GPR137C: variants seen among roughly 807,000 people sequenced by gnomAD.
GPR137C encodes the protein G protein-coupled receptor 137C.
A neutral mutation model predicts 43.4 loss-of-function variants in GPR137C; 27 were observed. That is an observed-to-expected ratio of 0.62 (90% CI 0.46 to 0.86). The LOEUF (loss-of-function observed/expected upper bound fraction) is 0.86, where lower values mean the gene tolerates loss of function less well. Ranked by LOEUF, GPR137C falls within the 40% of genes least tolerant of loss-of-function variation. The pLI is 0.00. For missense variants in GPR137C, 522 were observed against 534.6 expected (o/e 0.98, Z 0.23); for synonymous variants, 285 against 226.9 (o/e 1.26, Z -2.30).
chr14:52,560,555 T>C (rs965553312), intron 1 of GPR137C, among the ~76,000 whole-genome samples: 1 of 152,206 alleles, frequency 6.6e-6, no homozygotes, highest in African/African-American at 2.4e-5. Flanking sequence ...GGGGAAAAGA[T>C]AGACATATAG....
chr14:52,563,849 G>T (rs1422081124), intron 1 of GPR137C, among the ~76,000 whole-genome samples: 1 of 152,094 alleles, frequency 6.6e-6, no homozygotes, highest in Non-Finnish European at 1.5e-5. Flanking sequence ...CAAAATGCCT[G>T]GTCCAGGCTA....
At chr14:52,627,432 G>A (rs1184957797) in intron 3 of GPR137C, among the ~76,000 whole-genome samples, 2 of 152,086 alleles carry the variant, frequency 1.3e-5, no homozygotes, top group African/African-American at 2.4e-5. Context: ...TTGACAGGTT[G>A]GCAAACTCAC....
intron 3 of GPR137C, among the ~76,000 whole-genome samples, chr14:52,606,197 C>T (rs1427928342): frequency 2.0e-5 from 3 of 152,114 alleles, no homozygotes; most frequent in African/African-American, 4.8e-5. Context: ...TGTTGGGGGA[C>T]TTTATTACTG....
At chr14:52,590,693 A>G (rs1314268995) in intron 1 of GPR137C, among the ~76,000 whole-genome samples, 1 of 152,184 alleles carries the variant, frequency 6.6e-6, no homozygotes, top group Non-Finnish European at 1.5e-5. Flanking sequence ...TACAGCAGTA[A>G]CATGCTGTAC....
At chr14:52,606,195 G>T (rs1428780099) in intron 3 of GPR137C, among the ~76,000 whole-genome samples, 1 of 152,020 alleles carries the variant, frequency 6.6e-6, no homozygotes, top group African/African-American at 2.4e-5. Flanking sequence ...TTTGTTGGGG[G>T]ACTTTATTAC....
intron 1 of GPR137C, among the ~76,000 whole-genome samples, chr14:52,558,009 C>T (rs1302911470): frequency 6.6e-6 from 1 of 151,584 alleles, no homozygotes; most frequent in Non-Finnish European, 1.5e-5. Context: ...GAAGCCAGGT[C>T]ATCTGGCCTA....
intron 4 of GPR137C, among the ~76,000 whole-genome samples, chr14:52,632,814 A>G (rs1362907475): frequency 1.3e-5 from 2 of 152,032 alleles, no homozygotes; most frequent in African/African-American, 4.8e-5. Flanking sequence ...GTGTCCAGGT[A>G]TTTGCTATCG....
intron 3 of GPR137C, among the ~76,000 whole-genome samples, chr14:52,609,758 G>A (rs1002139074): frequency 7.9e-5 from 12 of 152,184 alleles, no homozygotes; most frequent in Admixed American, 6.5e-4. Flanking sequence ...GCTGGCCAGG[G>A]ACCCAAGTCC....
chr14:52,562,890 AAAAC>A (rs1290227499), intron 1 of GPR137C, among the ~76,000 whole-genome samples: 1 of 152,212 alleles, frequency 6.6e-6, no homozygotes, highest in Non-Finnish European at 1.5e-5. Flanking sequence ...TAAAATAGAA[AAAAC>A]AAAGAGGTTT....
At chr14:52,621,889 A>G (rs1039890594) in intron 3 of GPR137C, among the ~76,000 whole-genome samples, 2 of 151,748 alleles carry the variant, frequency 1.3e-5, no homozygotes, top group Admixed American at 6.6e-5. Flanking sequence ...AAGAGATTAT[A>G]AAAATATCCA....
rs971690849 is a variant in GPR137C at position 52,612,376 on chromosome 14, G to A, written c.717+12035G>A. On this transcript the variant is annotated intron_variant, in intron 3 of 6. Transcript: ENST00000321662. ...TACCAAAATTAATTCTTATCCTACT[G>A]ATAGGCCTTTAAGTGGTTTTCAAAA... The A allele has an allele frequency of 8.5e-6, 8 of 943,294 alleles. No homozygotes were observed. The African/African-American group carries it at 1.4e-4, about 17-fold the overall frequency. The allele number at this position is 943,294 out of a possible 1,614,324, so 58.4% of individuals were successfully genotyped here.
intron 1 of GPR137C, among the ~76,000 whole-genome samples, chr14:52,553,873 T>G (rs547805720): frequency 6.6e-5 from 10 of 152,304 alleles, no homozygotes; most frequent in Non-Finnish European, 1.2e-4. Context: ...TTGTTCGGTG[T>G]TCTGGCCCTC....
intron 1 of GPR137C, among the ~76,000 whole-genome samples, chr14:52,556,241 TC>T (rs1269615220): frequency 6.6e-6 from 1 of 152,118 alleles, no homozygotes; most frequent in Admixed American, 6.6e-5. Context: ...TTTTTCTGAT[TC>T]TCACTAAGAG....
Position 52,553,189 on chromosome 14 carries a change from C to T in GPR137C, c.42C>T (p.Pro14=), listed in dbSNP as rs1483442090. 2 of 1,204,686 alleles carry T rather than the reference C, an allele frequency of 1.7e-6. No individual in the cohort carries two copies. Among genetic ancestry groups the T allele is most frequent in the African/African-American group, 1.6e-5 (1 of 62,968 alleles). 74.6% of individuals were successfully genotyped at this position (1,204,686 alleles called of 1,614,324 possible). A position where few individuals can be genotyped will look rare whatever the true frequency, so the allele number is the denominator to read the frequency against. ...CGGGTCCGGCGGCCGCTGCCGCCCC[C>T]GCAGCCGGCCGCGAGCCCTCCACGC... The part of the protein sequence containing the change: ...SVPGPAAAAA[P]AAGREPSTPG... Residue 14 remains proline (P), a synonymous_variant, in exon 1 of 7, where the codon CCC becomes CCT. Transcript: ENST00000321662.
rs770278309 is a variant in GPR137C, at chr14:52,625,532, CTTTTTTTTTTTTTTTTTTTTTTTT to C, written c.718-6611_718-6588del. Among the ~76,000 whole-genome samples the C allele has an allele frequency of 3.7e-3, 135 of 36,084 alleles. 3 individuals carry two copies. Among genetic ancestry groups the C allele is most frequent in the African/African-American group, 0.014 (128 of 9,168 alleles). 23.7% of individuals were successfully genotyped at this position (36,084 alleles called of 152,430 possible). ...GAAAATAGAGGAGGGAAGAACACAT[CTTTTTTTTTTTTTTTTTTTTTTTT>C]TTTTTTTTTTTTTTTTGAGACGGAG... On this transcript the variant is annotated intron_variant, in intron 3 of 6. Transcript: ENST00000321662.
chr14:52,621,397 C>T (rs2039159486), intron 3 of GPR137C, among the ~76,000 whole-genome samples: 1 of 151,800 alleles, frequency 6.6e-6, no homozygotes, highest in Admixed American at 6.6e-5. Flanking sequence ...GCATACCTAA[C>T]ACTGTAAGAA....
intron 3 of GPR137C, among the ~76,000 whole-genome samples, chr14:52,624,046 T>C (rs1245323880): frequency 1.3e-5 from 2 of 151,534 alleles, no homozygotes; most frequent in Non-Finnish European, 2.9e-5. Flanking sequence ...TATGAAAATA[T>C]ATATAATTTT....
intron 1 of GPR137C, among the ~76,000 whole-genome samples, chr14:52,563,650 A>C (rs2038320546): frequency 6.6e-6 from 1 of 151,900 alleles, no homozygotes; most frequent in Non-Finnish European, 1.5e-5. Flanking sequence ...ACTCAAAAAC[A>C]CACACACACA....
rs965483288 is a variant in GPR137C, at chr14:52,636,819, A to G, written c.*1704A>G. The G allele has an allele frequency of 5.3e-5, 8 of 152,138 alleles. No individual in the cohort carries two copies. Among genetic ancestry groups the G allele is most frequent in the Non-Finnish European group, 1.0e-4 (7 of 67,992 alleles). The allele number at this position is 152,138 out of a possible 1,614,324, so 9.4% of individuals were successfully genotyped here. On this transcript the variant is annotated 3_prime_UTR_variant, in exon 7 of 7. Coordinates refer to ENST00000321662, the MANE Select transcript of GPR137C (RefSeq NM_001099652.2). ...TTGTAACCAAATTATTTTAAAATGT[A>G]TAGTATAAAAAGTTACCCGTGGTAT...
Sources: gnomAD v4.1 joint callset for allele counts (sites outside exome capture counted in the v4.1 genomes callset) on GRCh38, gnomAD v4.1.1 for gene constraint, MANE v1.5 for transcripts, NCBI Gene and HGNC (gene_info 2026-07-23, HGNC 2026-07-21) for gene names.